Variants in MYZAP observed in about 807,000 individuals in gnomAD.
MYZAP encodes myocardial zonula adherens protein.
Under a neutral mutation model 69.4 loss-of-function variants are expected in MYZAP, and 66 were observed. That is an observed-to-expected ratio of 0.95 (90% CI 0.78 to 1.17). The LOEUF (loss-of-function observed/expected upper bound fraction) is 1.17. Among genes scored for constraint, MYZAP ranks in the 50% most tolerant of loss-of-function variants. MYZAP has a pLI of 0.00. For missense variants in MYZAP, 611 were observed against 556.2 expected (o/e 1.10, Z -0.99); for synonymous variants, 256 against 205.9 (o/e 1.24, Z -2.09).
intron 11 of MYZAP, among the ~76,000 whole-genome samples, chr15:57,666,628 G>T (rs2038582826): frequency 6.6e-6 from 1 of 151,966 alleles, no homozygotes; most frequent in African/African-American, 2.4e-5. Context: ...GGTGTTCAGG[G>T]GACATAAACA....
intron 9 of MYZAP, among the ~76,000 whole-genome samples, chr15:57,638,919 G>A (rs1249339667): frequency 6.6e-6 from 1 of 152,128 alleles, no homozygotes; most frequent in East Asian, 1.9e-4. Context: ...AAAACAGAGA[G>A]CTTCTCAGAT....
intron 1 of MYZAP, among the ~76,000 whole-genome samples, chr15:57,598,744 T>C (rs1247976089): frequency 1.3e-5 from 2 of 152,218 alleles, no homozygotes; most frequent in African/African-American, 4.8e-5. Context: ...TGTTTGTCCA[T>C]TTGCCTGTCC....
intron 10 of MYZAP, among the ~76,000 whole-genome samples, chr15:57,639,846 C>A (rs1465707157): frequency 6.6e-6 from 1 of 152,188 alleles, no homozygotes; most frequent in Non-Finnish European, 1.5e-5. Flanking sequence ...ACCCACAGCT[C>A]AGGGGACCCA....
chr15:57,676,270 G>A (rs1402273770), intron 12 of MYZAP, among the ~76,000 whole-genome samples: 1 of 151,648 alleles, frequency 6.6e-6, no homozygotes, highest in Non-Finnish European at 1.5e-5. Context: ...TGAATCACTT[G>A]CCATTCTCAA....
chr15:57,617,162 TA>T (rs2035518942), intron 2 of MYZAP, among the ~76,000 whole-genome samples: 1 of 152,206 alleles, frequency 6.6e-6, no homozygotes, highest in Admixed American at 6.5e-5. Flanking sequence ...TGTGTGTCCA[TA>T]AGCAAGTTGC....
rs2140547479 is a variant in MYZAP at position 57,661,486 on chromosome 15, C to T, written c.1156C>T (p.Leu386Phe). 1 of 1,609,426 alleles carries T rather than the reference C, an allele frequency of 6.2e-7. No individual in the cohort carries two copies. Among genetic ancestry groups the T allele is most frequent in the Non-Finnish European group, 8.5e-7 (1 of 1,178,872 alleles). Residue 386 changes from leucine to phenylalanine, a missense_variant, in exon 11 of 13, where the codon CTC becomes TTC. Transcript: ENST00000267853. ...AAAGAAAAAGTTGCAACAGAAACAG[C>T]TCTTAATACTGCAGCTTTTAGAAAA... ...SLKKKLQQKQLLILQLLEKIS... is the reference protein window; with the variant it reads ...SLKKKLQQKQFLILQLLEKIS...
chr15:57,611,128 G>C (rs1385826104), intron 2 of MYZAP, among the ~76,000 whole-genome samples: 2 of 152,140 alleles, frequency 1.3e-5, no homozygotes, highest in Non-Finnish European at 2.9e-5. Flanking sequence ...TAGGTGTTTT[G>C]TGTGTTTTAT....
intron 10 of MYZAP, chr15:57,646,324 T>C: frequency 8.3e-7 from 1 of 1,203,496 alleles, no homozygotes; most frequent in South Asian, 1.5e-5. Flanking sequence ...GAAGGACATA[T>C]TATTTAAAGG....
At position 57,614,813 on chromosome 15, in the gene MYZAP, C is replaced by T. The variant is rs141572265; in HGVS notation, c.163-3220C>T. Among the ~76,000 whole-genome samples, 105 of 152,232 alleles carry T rather than the reference C, an allele frequency of 6.9e-4. 1 individual carries two copies. The East Asian group carries it at 0.018, about 26-fold the overall frequency. On this transcript the variant is annotated intron_variant, in intron 2 of 12. Transcript: ENST00000267853. ...TCCAATTTGGAAAGACATAGGCAGG[C>T]ACTTGCAGGCTGTTACCCTGGAAGA...
At chr15:57,641,671 A>AGG (rs1429736730) in intron 10 of MYZAP, among the ~76,000 whole-genome samples, 1 of 152,206 alleles carries the variant, frequency 6.6e-6, no homozygotes, top group Non-Finnish European at 1.5e-5. Flanking sequence ...AAAAAGAGAG[A>AGG]GAGACACTTT....
intron 10 of MYZAP, chr15:57,647,012 G>A: frequency 1.0e-6 from 1 of 985,414 alleles, no homozygotes; most frequent in Non-Finnish European, 1.2e-6. Flanking sequence ...AGCAATGGGT[G>A]GCATGAGTCT....
chr15:57,684,590 T>C lies in MYZAP; in HGVS notation c.*92T>C. The C allele has an allele frequency of 6.3e-6, 5 of 796,758 alleles. No homozygotes were observed. Among genetic ancestry groups the C allele is most frequent in the Non-Finnish European group, 1.0e-5 (5 of 477,572 alleles). The allele number at this position is 796,758 out of a possible 1,614,324, so 49.4% of individuals were successfully genotyped here. ...TGGGAAGGGTGACTGTTGTTTCCCC[T>C]ACACACAGTGTAAGCCGGAATGGGA... On this transcript the variant is annotated 3_prime_UTR_variant, in exon 13 of 13. Transcript: ENST00000267853.
In MYZAP at chr15:57,684,591, A is replaced by C. The variant is rs2039604555; in HGVS notation, c.*93A>C. 3 of 792,726 alleles carry C rather than the reference A, an allele frequency of 3.8e-6. No individual in the cohort carries two copies. Among genetic ancestry groups the C allele is most frequent in the Non-Finnish European group, 4.2e-6 (2 of 474,238 alleles). 49.1% of individuals were successfully genotyped at this position (792,726 alleles called of 1,614,324 possible). A position where few individuals can be genotyped will look rare whatever the true frequency, so the allele number is the denominator to read the frequency against. On this transcript the variant is annotated 3_prime_UTR_variant, in exon 13 of 13. Transcript: ENST00000267853. ...GGGAAGGGTGACTGTTGTTTCCCCT[A>C]CACACAGTGTAAGCCGGAATGGGAA...
At chr15:57,617,104 G>A (rs1370095286) in intron 2 of MYZAP, among the ~76,000 whole-genome samples, 1 of 151,982 alleles carries the variant, frequency 6.6e-6, no homozygotes, top group East Asian at 1.9e-4. Flanking sequence ...GCAGTATGGG[G>A]AGGTGCTTAA....
chr15:57,607,308 T>C (rs1447083968), intron 2 of MYZAP, among the ~76,000 whole-genome samples: 1 of 152,164 alleles, frequency 6.6e-6, no homozygotes, highest in African/African-American at 2.4e-5. Flanking sequence ...TGGAGGACCC[T>C]GGAGGGTCTG....
At chr15:57,672,497 C>T (rs1485426107) in intron 11 of MYZAP, among the ~76,000 whole-genome samples, 2 of 133,496 alleles carry the variant, frequency 1.5e-5, no homozygotes, top group Non-Finnish European at 3.2e-5. Flanking sequence ...GCAGCAGGAT[C>T]AGTGTGTTGA....
chr15:57,615,203 A>G (rs2035354020), intron 2 of MYZAP, among the ~76,000 whole-genome samples: 1 of 152,274 alleles, frequency 6.6e-6, no homozygotes. Flanking sequence ...AACATAAAGG[A>G]AAAAGTGAAA....
At chr15:57,615,716 C>T (rs2035393359) in intron 2 of MYZAP, among the ~76,000 whole-genome samples, 1 of 152,190 alleles carries the variant, frequency 6.6e-6, no homozygotes. Context: ...TTAATGCCAG[C>T]TCTTGACTCT....
chr15:57,633,880 A>G, intron 8 of MYZAP, 139 bp downstream of exon 8: 1 of 1,091,138 alleles, frequency 9.2e-7, no homozygotes, highest in Non-Finnish European at 1.2e-6. Flanking sequence ...AAGCTATAAA[A>G]TAAAGTATAA....
Sources: allele counts gnomAD v4.1 joint callset (sites outside exome capture counted in the v4.1 genomes callset), GRCh38; gene constraint gnomAD v4.1.1; transcripts MANE v1.5; gene names NCBI Gene and HGNC (gene_info 2026-07-23, HGNC 2026-07-21).